The following GPR21 variants were observed in gnomAD, a reference collection of about 807,000 sequenced individuals.
The protein encoded by GPR21 is probable G protein-coupled receptor 21.
A neutral mutation model predicts 21.5 loss-of-function variants in GPR21; 9 were observed. The observed-to-expected ratio is 0.42, with a 90% CI of 0.25 to 0.73. The LOEUF (loss-of-function observed/expected upper bound fraction) is 0.73. Ranked by LOEUF, GPR21 falls within the 30% of genes least tolerant of loss-of-function variation. The pLI, the probability that GPR21 is intolerant of heterozygous loss-of-function variation, is 0.27. For synonymous variants in GPR21, 169 were observed against 159.3 expected (o/e 1.06, Z -0.46); for missense variants, 416 against 428.9 (o/e 0.97, Z 0.27).
chr9:123,039,992 A>C (rs934175935), downstream of GPR21, among the ~76,000 whole-genome samples: 3 of 152,152 alleles, frequency 2.0e-5, no homozygotes, highest in South Asian at 4.1e-4. Flanking sequence ...ATTATGTAAG[A>C]GCAGTGGCTT....
Position 123,034,891 on chromosome 9 carries a change from G to T in GPR21, c.325G>T (p.Val109Leu). Residue 109 changes from valine to leucine, a missense_variant, in exon 2 of 2, where the codon GTA (valine) becomes TTA (leucine). Coordinates refer to ENST00000616002, the MANE Select transcript of GPR21 (RefSeq NM_005294.3). ...GACTTGCCAGATATTTGGTTTTGTA[G>T]TATCAGTTCTGAAGAGCGTCTCCAT... ...SLTCQIFGFV[V>L]SVLKSVSMAS... The T allele has an allele frequency of 6.2e-7, 1 of 1,613,764 alleles. No individual in the cohort carries two copies. Among genetic ancestry groups the T allele is most frequent in the Non-Finnish European group, 8.5e-7 (1 of 1,179,718 alleles).
downstream of GPR21, among the ~76,000 whole-genome samples, chr9:123,039,700 T>A (rs1389591433): frequency 2.6e-5 from 4 of 152,206 alleles, no homozygotes; most frequent in African/African-American, 9.6e-5. Flanking sequence ...GCTTTCAAAT[T>A]GCCAGTTTTT....
downstream of GPR21, among the ~76,000 whole-genome samples, chr9:123,035,990 C>G (rs1377863495): frequency 1.3e-5 from 2 of 152,180 alleles, no homozygotes; most frequent in Non-Finnish European, 2.9e-5. Context: ...AAAGTCATCA[C>G]TTTCTTGTCA....
the GPR21 span, among the ~76,000 whole-genome samples, chr9:123,045,758 G>C: frequency 6.6e-6 from 1 of 152,172 alleles, no homozygotes; most frequent in Non-Finnish European, 1.5e-5. Flanking sequence ...TAAAGAGGAA[G>C]GTAGTGAAAA....
At chr9:123,044,788 A>G in the GPR21 span, among the ~76,000 whole-genome samples, 1 of 152,172 alleles carries the variant, frequency 6.6e-6, no homozygotes, top group Non-Finnish European at 1.5e-5. Flanking sequence ...AGATTTCCTT[A>G]GAAGGCAGTG....
the GPR21 span, among the ~76,000 whole-genome samples, chr9:123,046,076 C>T: frequency 1.3e-5 from 2 of 152,182 alleles, no homozygotes; most frequent in East Asian, 1.9e-4. Flanking sequence ...CCCTTAAGTA[C>T]TGCCTTGATA....
rs910525857 is a variant in GPR21 at position 123,035,049 on chromosome 9, C to G, written c.483C>G (p.Phe161Leu). 5.6e-6 allele frequency: 9 copies of G among 1,614,002 alleles called. No individual in the cohort carries two copies. In the African/African-American group the frequency reaches 9.3e-5, roughly 17 times the overall value. ...TTTGGCTATACTCGACCCTGGTCTT[C>G]CTGCCTTCCTTTTTCCACTGGGGCA... is the stretch of plus-strand genomic sequence containing the variant. ...FLIWLYSTLV[F>L]LPSFFHWGKP... Residue 161 changes from phenylalanine to leucine, a missense_variant, in exon 2 of 2, where the codon TTC (phenylalanine) becomes TTG (leucine). By Grantham distance (22) the Phe-to-Leu change is conservative. Coordinates refer to ENST00000616002, the MANE Select transcript of GPR21 (RefSeq NM_005294.3).
chr9:123,035,311 C>A lies in GPR21; in HGVS notation c.745C>A (p.Arg249Ser). ...GGAAGTGCAGGCCTGTCCTGATAAG[C>A]GCTATGCCATGGTCCTGTTTCGAAT... ...TGEVQACPDK[R>S]YAMVLFRITS... Residue 249 changes from arginine (R) to serine (S), a missense_variant, in exon 2 of 2, where the codon CGC becomes AGC. By Grantham distance (110) the Arg-to-Ser change is moderately radical (BLOSUM62 -1). Transcript: ENST00000616002. The A allele has an allele frequency of 6.2e-7, 1 of 1,614,132 alleles. No homozygotes were observed. The highest frequency in any genetic ancestry group is 8.5e-7 in the Non-Finnish European group (1 of 1,179,994).
downstream of GPR21, among the ~76,000 whole-genome samples, chr9:123,038,913 GT>G (rs1279762764): frequency 6.6e-6 from 1 of 152,052 alleles, no homozygotes; most frequent in Non-Finnish European, 1.5e-5. Flanking sequence ...GTAGGCTTCT[GT>G]TTCTAATTAA....
the GPR21 span, among the ~76,000 whole-genome samples, chr9:123,047,909 C>T: frequency 8.1e-6 from 1 of 124,088 alleles, no homozygotes; most frequent in East Asian, 2.1e-4. Context: ...AGCCATTTTA[C>T]AGCTGCTGGG....
chr9:123,036,055 C>T (rs542930943), downstream of GPR21, among the ~76,000 whole-genome samples: 6 of 152,038 alleles, frequency 3.9e-5, no homozygotes, highest in African/African-American at 7.2e-5. Context: ...TTTCTTCTAA[C>T]GGAATAGTAA....
At chr9:123,044,942 A>T in the GPR21 span, among the ~76,000 whole-genome samples, 831 of 152,262 alleles carry the variant, frequency 5.5e-3, 7 homozygotes, top group Non-Finnish European at 9.6e-3. Context: ...CAGACTAAAG[A>T]CTGTAATGAA....
chr9:123,045,058 AT>A, the GPR21 span, among the ~76,000 whole-genome samples: 1 of 152,224 alleles, frequency 6.6e-6, no homozygotes, highest in African/African-American at 2.4e-5. Context: ...TTAATGAAAG[AT>A]TTGTTGGCTT....
Position 123,034,962 on chromosome 9 carries a change from T to C in GPR21, c.396T>C (p.Thr132=), listed in dbSNP as rs141576954. ...GCATTGATAGATACATTGCCATTAC[T>C]AAACCTTTAACCTATAATACTCTGG... ...CISIDRYIAI[T]KPLTYNTLVT... The change falls in exon 2 of 2, where the codon ACT becomes ACC. Residue 132 remains threonine, a synonymous_variant. Transcript: ENST00000616002. 1.3e-3 allele frequency: 2,078 copies of C among 1,613,708 alleles called. 4 individuals carry two copies. The highest frequency in any genetic ancestry group is 1.6e-3 in the Non-Finnish European group (1,932 of 1,179,698).
Position 123,034,532 on chromosome 9 carries a change from G to T in GPR21, c.-35G>T. On this transcript the variant is annotated 5_prime_UTR_variant, in exon 2 of 2. Transcript: ENST00000616002. ...TTGAACTGTTGGCAGCAGCCAAGCG[G>T]CAGCATGAAGTGACAGATCACTCCT... 7.3e-7 allele frequency: 1 copy of T among 1,362,452 alleles called. No homozygotes were observed. The highest frequency in any genetic ancestry group is 1.0e-6 in the Non-Finnish European group (1 of 981,602). 84.4% of individuals were successfully genotyped at this position (1,362,452 alleles called of 1,614,324 possible). A position where few individuals can be genotyped will look rare whatever the true frequency, so the allele number is the denominator to read the frequency against.
the GPR21 span, among the ~76,000 whole-genome samples, chr9:123,043,011 G>A: frequency 6.6e-6 from 1 of 152,064 alleles, no homozygotes; most frequent in African/African-American, 2.4e-5. Context: ...AGAAGATAAT[G>A]GGTAATAGCT....
At chr9:123,037,032 C>A (rs1241921285), downstream of GPR21, among the ~76,000 whole-genome samples, 1 of 152,058 alleles carries the variant, frequency 6.6e-6, no homozygotes, top group Non-Finnish European at 1.5e-5. Flanking sequence ...TTCTGCTGTT[C>A]TGGAAATGTT....
downstream of GPR21, among the ~76,000 whole-genome samples, chr9:123,038,028 T>C (rs1351735859): frequency 1.3e-5 from 2 of 152,338 alleles, no homozygotes; most frequent in Non-Finnish European, 2.9e-5. Context: ...AATTATTTCA[T>C]AGTAAATTTT....
the GPR21 span, among the ~76,000 whole-genome samples, chr9:123,045,682 T>C: frequency 6.6e-6 from 1 of 152,168 alleles, no homozygotes; most frequent in Non-Finnish European, 1.5e-5. Context: ...ATTATGTTAA[T>C]AGTAAGGCTT....
Sources: allele counts gnomAD v4.1 joint callset (sites outside exome capture counted in the v4.1 genomes callset), GRCh38; gene constraint gnomAD v4.1.1; transcripts MANE v1.5; gene names NCBI Gene and HGNC (gene_info 2026-07-23, HGNC 2026-07-21).